The following CCDC6 variants were observed in gnomAD, a reference collection of about 807,000 sequenced individuals.
CCDC6 encodes coiled-coil domain containing 6, also known as coiled-coil domain-containing protein 6.
In CCDC6, 20 loss-of-function variants were observed where a neutral mutation model predicts 56.6. The ratio of observed to expected loss-of-function variants is 0.35; its 90% CI spans 0.25 to 0.51. The LOEUF (loss-of-function observed/expected upper bound fraction) is 0.51, where lower values mean the gene tolerates loss of function less well. CCDC6 is among the 20% of genes least tolerant of loss of function. The probability of loss-of-function intolerance (pLI) is 0.95; values close to 1 mark genes in which losing one functional copy is unlikely to be tolerated. For missense variants in CCDC6, 367 were observed against 601.1 expected (o/e 0.61, Z 4.07); for synonymous variants, 241 against 234.4 (o/e 1.03, Z -0.26).
At chr10:59,874,535 C>T (rs751407837) in intron 1 of CCDC6, among the ~76,000 whole-genome samples, 7 of 152,204 alleles carry the variant, frequency 4.6e-5, no homozygotes, top group Non-Finnish European at 8.8e-5. Flanking sequence ...ATGCTCCCTC[C>T]TGCAAACTTT....
chr10:59,901,269 A>C (rs1214130332), intron 1 of CCDC6, among the ~76,000 whole-genome samples: 1 of 152,152 alleles, frequency 6.6e-6, no homozygotes, highest in Non-Finnish European at 1.5e-5. Flanking sequence ...AATCTAAGAA[A>C]TACTTTTCTA....
chr10:59,816,394 A>ATATT (rs1431380114), intron 3 of CCDC6, among the ~76,000 whole-genome samples: 1 of 152,210 alleles, frequency 6.6e-6, no homozygotes, highest in East Asian at 1.9e-4. Flanking sequence ...AATATTTAAA[A>ATATT]TATTTCCTAC....
Position 59,812,804 on chromosome 10 carries a change from A to C in CCDC6, c.687-9T>G. 1 of 1,579,482 alleles carries C rather than the reference A, an allele frequency of 6.3e-7. No individual in the cohort carries two copies. ...ATTTTTCCTGCAGGATTCTTCATTG[A>C]AAAGAAAAATTCCAACAATGACTAA... On this transcript the variant is annotated splice_polypyrimidine_tract_variant and intron_variant, in intron 4 of 8. Coordinates refer to ENST00000263102, the MANE Select transcript of CCDC6 (RefSeq NM_005436.5).
chr10:59,866,017 T>C (rs988481557), intron 1 of CCDC6, among the ~76,000 whole-genome samples: 3 of 152,124 alleles, frequency 2.0e-5, no homozygotes. Flanking sequence ...TTATCTTCCA[T>C]CTGCCTCCTC....
intron 1 of CCDC6, among the ~76,000 whole-genome samples, chr10:59,862,425 T>A (rs1340194690): frequency 6.7e-6 from 1 of 149,712 alleles, no homozygotes; most frequent in African/African-American, 2.5e-5. Context: ...GAGGCAGAGG[T>A]TGCAGTGAGC....
intron 1 of CCDC6, among the ~76,000 whole-genome samples, chr10:59,899,580 G>A (rs2071488983): frequency 6.6e-6 from 1 of 152,166 alleles, no homozygotes; most frequent in African/African-American, 2.4e-5. Flanking sequence ...CAGGTCACCA[G>A]TATTTATTTG....
chr10:59,799,100 G>A (rs1162519876), intron 7 of CCDC6, among the ~76,000 whole-genome samples: 1 of 149,938 alleles, frequency 6.7e-6, no homozygotes, highest in Non-Finnish European at 1.5e-5. Context: ...TAACTTTTCT[G>A]AAGGGTAATT....
chr10:59,855,262 G>C lies in CCDC6; in HGVS notation c.304-2560C>G, dbSNP rs183287640. Among the ~76,000 whole-genome samples, 100 of 152,242 alleles carry C rather than the reference G, an allele frequency of 6.6e-4. 1 individual carries two copies. Among genetic ancestry groups the C allele is most frequent in the African/African-American group, 2.3e-3 (96 of 41,536 alleles). ...CACCGTAACATAAAAAAGAACTTTC[G>C]GTAGAAAGTACATTGTGGCTCTAGG... On this transcript the variant is annotated intron_variant, in intron 1 of 8. Transcript: ENST00000263102.
intron 1 of CCDC6, among the ~76,000 whole-genome samples, chr10:59,855,369 T>G (rs1412596330): frequency 6.6e-6 from 1 of 152,136 alleles, no homozygotes; most frequent in Non-Finnish European, 1.5e-5. Flanking sequence ...AGTTCAAGAC[T>G]AGACTGGCAA....
chr10:59,823,031 G>A (rs1564742212), intron 3 of CCDC6, among the ~76,000 whole-genome samples: 1 of 152,178 alleles, frequency 6.6e-6, no homozygotes, highest in Non-Finnish European at 1.5e-5. Context: ...TTCAGGGGAA[G>A]ATTACCTACC....
intron 2 of CCDC6, among the ~76,000 whole-genome samples, chr10:59,846,622 A>G (rs1174771808): frequency 6.6e-6 from 1 of 152,226 alleles, no homozygotes; most frequent in Non-Finnish European, 1.5e-5. Flanking sequence ...TATGGCTACA[A>G]TAATTTTTAT....
chr10:59,790,748 T>C lies in CCDC6; in HGVS notation c.*2169A>G, dbSNP rs1257817910. ...CAGATGTCTGAATATCAAGAACCTA[T>C]CTCTAAAAGGCATTTATCAGGAAAT... On this transcript the variant is annotated 3_prime_UTR_variant, in exon 9 of 9. Coordinates refer to ENST00000263102, the MANE Select transcript of CCDC6 (RefSeq NM_005436.5). 4.6e-6 allele frequency: 1 copy of C among 216,640 alleles called. No individual in the cohort carries two copies. The highest frequency in any genetic ancestry group is 9.3e-6 in the Non-Finnish European group (1 of 107,472). 13.4% of individuals were successfully genotyped at this position (216,640 alleles called of 1,614,324 possible).
At chr10:59,812,304 CTTTGAGGTCTGCTGCAATA>C (rs2070680497) in intron 5 of CCDC6, among the ~76,000 whole-genome samples, 1 of 152,100 alleles carries the variant, frequency 6.6e-6, no homozygotes, top group Admixed American at 6.5e-5. Context: ...TTTGAAAGTG[CTTTGAGGTCTGCTGCAATA>C]TTTTTGTTAG....
chr10:59,827,765 T>C (rs572997338), intron 3 of CCDC6, among the ~76,000 whole-genome samples: 1 of 152,116 alleles, frequency 6.6e-6, no homozygotes, highest in Admixed American at 6.5e-5. Context: ...CAGGAATAAC[T>C]GAAAAAAAGA....
rs2070467056 is a variant in CCDC6 at position 59,791,454 on chromosome 10, G to A, written c.*1463C>T. On this transcript the variant is annotated 3_prime_UTR_variant, in exon 9 of 9. Coordinates refer to ENST00000263102, the MANE Select transcript of CCDC6 (RefSeq NM_005436.5). ...CAATATTAAATATCTACAATGTCAT[G>A]GTTCCTTATTTTTAGGAGTGTGTTT... The A allele has an allele frequency of 5.1e-6, 1 of 196,290 alleles. No homozygotes were observed. The highest frequency in any genetic ancestry group is 1.9e-4 in the South Asian group (1 of 5,182). 12.2% of individuals were successfully genotyped at this position (196,290 alleles called of 1,614,324 possible).
At chr10:59,848,742 C>G (rs932361560) in intron 2 of CCDC6, among the ~76,000 whole-genome samples, 1 of 152,192 alleles carries the variant, frequency 6.6e-6, no homozygotes, top group African/African-American at 2.4e-5. Context: ...GAGACAGAGT[C>G]TCACTCTATC....
chr10:59,812,541 A>T, intron 5 of CCDC6, 94 bp downstream of exon 5: 1 of 803,120 alleles, frequency 1.2e-6, no homozygotes. Flanking sequence ...TAATTACTGC[A>T]AATTCAACAG....
intron 3 of CCDC6, among the ~76,000 whole-genome samples, chr10:59,821,970 T>C (rs1317413334): frequency 6.6e-6 from 1 of 152,214 alleles, no homozygotes; most frequent in African/African-American, 2.4e-5. Context: ...CTGAGTTTCC[T>C]AGTATAATTG....
chr10:59,812,598 T>C (rs767535099), intron 5 of CCDC6, 37 bp downstream of exon 5: 39 of 1,485,472 alleles, frequency 2.6e-5, no homozygotes, highest in Non-Finnish European at 3.4e-5. Flanking sequence ...TTATTAATTC[T>C]ACAGGCATGA....
Sources: gnomAD v4.1 joint callset for allele counts (sites outside exome capture counted in the v4.1 genomes callset) on GRCh38, gnomAD v4.1.1 for gene constraint, MANE v1.5 for transcripts, NCBI Gene and HGNC (gene_info 2026-07-23, HGNC 2026-07-21) for gene names.